The following VASH2 variants were observed in gnomAD, a reference collection of about 807,000 sequenced individuals.
VASH2 encodes the protein vasohibin 2, also known as tubulinyl-Tyr carboxypeptidase 2.
A neutral mutation model predicts 37.2 loss-of-function variants in VASH2; 28 were observed. The observed-to-expected ratio is 0.75, with a 90% CI of 0.56 to 1.03. VASH2 has a LOEUF of 1.03. VASH2 is among the 50% of genes least tolerant of loss of function. The probability of loss-of-function intolerance (pLI) is 0.00; values close to 1 mark genes in which losing one functional copy is unlikely to be tolerated. For synonymous variants in VASH2, 188 were observed against 174.7 expected (o/e 1.08, Z -0.60); for missense variants, 419 against 459.1 (o/e 0.91, Z 0.80).
chr1:212,984,929 A>C (rs1017796244), intron 7 of VASH2, among the ~76,000 whole-genome samples: 2 of 152,212 alleles, frequency 1.3e-5, no homozygotes, highest in African/African-American at 4.8e-5. Flanking sequence ...TCCATACTCC[A>C]CACAGTAACC....
At chr1:212,954,586 A>G (rs990128128) in intron 2 of VASH2, among the ~76,000 whole-genome samples, 1 of 151,912 alleles carries the variant, frequency 6.6e-6, no homozygotes, top group African/African-American at 2.4e-5. Context: ...ATGCCCAGCT[A>G]TTTTTTGTAT....
rs576317811 is a variant in VASH2, at chr1:212,986,943, G to C, written c.996-1569G>C. On this transcript the variant is annotated intron_variant, in intron 7 of 7. Coordinates refer to ENST00000517399, the MANE Select transcript of VASH2 (RefSeq NM_001301056.2). Reference sequence around the variant, plus strand: ...TAAGGTTACAAGTTATTTGAGTAGGGCCTAGTCAGGGATAGTTTCTTGACC... The same window carrying C: ...TAAGGTTACAAGTTATTTGAGTAGGCCCTAGTCAGGGATAGTTTCTTGACC... Among the ~76,000 whole-genome samples the C allele has an allele frequency of 2.0e-5, 3 of 152,334 alleles. No individual in the cohort carries two copies. In the South Asian group the frequency reaches 6.2e-4, roughly 32 times the overall value.
chr1:212,951,608 C>G lies in VASH2; in HGVS notation c.66C>G (p.Ser22=), dbSNP rs1207680990. 2 of 1,556,872 alleles carry G rather than the reference C, an allele frequency of 1.3e-6. No homozygotes were observed. The highest frequency in any genetic ancestry group is 2.4e-5 in the South Asian group (2 of 84,520). The part of the protein sequence containing the change: ...PHPKGAKGTR[S]RSSHARPVSL... ...CCAAAGGCGCCAAAGGCACCCGGTC[C>G]CGGAGCAGCCACGCGCGGCCCGTGA... The change falls in exon 2 of 8, where the codon TCC becomes TCG. Residue 22 remains serine, a synonymous_variant. Coordinates refer to ENST00000517399, the MANE Select transcript of VASH2 (RefSeq NM_001301056.2). This position sits in a 1 kb window ranked among gnomAD's most constrained non-coding sequence, Gnocchi z 4.4.
At chr1:212,983,900 C>T (rs1177580290) in intron 7 of VASH2, among the ~76,000 whole-genome samples, 1 of 152,118 alleles carries the variant, frequency 6.6e-6, no homozygotes, top group Non-Finnish European at 1.5e-5. Context: ...TTCTGGGGAC[C>T]AACTCTGGCT....
Position 212,966,286 on chromosome 1 carries a change from A to C in VASH2, c.438A>C (p.Ala146=), listed in dbSNP as rs1489994175. ...TATCCTACAGGTTAATGGAAACAGC[A>C]AAAGAAATGACCCGAGAGTCCTTGC... ...MRPLSGLMET[A]KEMTRESLPI... Residue 146 remains alanine, a synonymous_variant, in exon 5 of 8, where the codon GCA becomes GCC. Transcript: ENST00000517399. 6.4e-7 allele frequency: 1 copy of C among 1,551,718 alleles called. No individual in the cohort carries two copies. Among genetic ancestry groups the C allele is most frequent in the Admixed American group, 2.0e-5 (1 of 51,014 alleles).
At chr1:212,981,166 A>T (rs1355140989) in intron 7 of VASH2, among the ~76,000 whole-genome samples, 1 of 152,224 alleles carries the variant, frequency 6.6e-6, no homozygotes, top group Non-Finnish European at 1.5e-5. Context: ...CAGTTGGCCT[A>T]TGGCCAGAGT....
At chr1:212,953,380 T>C (rs1260955594) in intron 2 of VASH2, among the ~76,000 whole-genome samples, 1 of 152,194 alleles carries the variant, frequency 6.6e-6, no homozygotes, top group Non-Finnish European at 1.5e-5. Flanking sequence ...ATCTTAGGCC[T>C]GGCCAGAGTC....
chr1:212,982,695 C>T (rs377187246), intron 7 of VASH2, among the ~76,000 whole-genome samples: 15 of 152,210 alleles, frequency 9.9e-5, no homozygotes, highest in East Asian at 3.8e-4. Flanking sequence ...ATTGCAGCCA[C>T]GGTTGCTGTA....
At chr1:212,974,098 C>G in intron 7 of VASH2, 28 bp downstream of exon 7, 1 of 1,589,714 alleles carries the variant, frequency 6.3e-7, no homozygotes, top group Non-Finnish European at 8.6e-7. Context: ...TTCCCCAACT[C>G]AAAGCCCAAC....
At chr1:212,961,388 T>A in intron 3 of VASH2, 134 bp downstream of exon 3, 1 of 1,532,910 alleles carries the variant, frequency 6.5e-7, no homozygotes, top group Non-Finnish European at 8.7e-7. Flanking sequence ...TGGAGGGATG[T>A]CCCGGGTGGG....
intron 3 of VASH2, among the ~76,000 whole-genome samples, chr1:212,964,672 T>C (rs994055720): frequency 2.6e-5 from 4 of 152,110 alleles, no homozygotes; most frequent in African/African-American, 9.7e-5. Flanking sequence ...AGTGCCAGCA[T>C]AGGCATGAAA....
At chr1:212,974,895 G>T (rs1667123997) in intron 7 of VASH2, 1 of 152,164 alleles carries the variant, frequency 6.6e-6, no homozygotes, top group Non-Finnish European at 1.5e-5. Flanking sequence ...GGGGAGCCTT[G>T]GTTTCTTCAT....
chr1:212,982,010 G>C (rs1667353413), intron 7 of VASH2, among the ~76,000 whole-genome samples: 1 of 152,204 alleles, frequency 6.6e-6, no homozygotes, highest in South Asian at 2.1e-4. Context: ...TCAAAGTTGA[G>C]ATAGCAGTGG....
chr1:212,969,055 GCT>G lies in VASH2; in HGVS notation c.497+2712_497+2713del, dbSNP rs1666928650. The G allele has an allele frequency of 3.0e-6, 3 of 985,338 alleles. No individual in the cohort carries two copies. The African/African-American group carries it at 5.2e-5, about 17-fold the overall frequency. 61.0% of individuals were successfully genotyped at this position (985,338 alleles called of 1,614,324 possible). A position where few individuals can be genotyped will look rare whatever the true frequency, so the allele number is the denominator to read the frequency against. The stretch of plus-strand genomic sequence containing the variant: ...AGCCTGTCCAAATCAGAGACAGTGT[GCT>G]CGTGGTTTTCCTTTGTTCTTATCCT... On this transcript the variant is annotated intron_variant, in intron 5 of 7. Coordinates refer to ENST00000517399, the MANE Select transcript of VASH2 (RefSeq NM_001301056.2).
chr1:212,974,819 G>T (rs757531198), intron 7 of VASH2: 1 of 152,242 alleles, frequency 6.6e-6, no homozygotes, highest in Non-Finnish European at 1.5e-5. Context: ...ACAGTGCACA[G>T]GGGGCTTGGT....
At chr1:212,978,152 C>T (rs1572077854) in intron 7 of VASH2, among the ~76,000 whole-genome samples, 1 of 152,146 alleles carries the variant, frequency 6.6e-6, no homozygotes, top group African/African-American at 2.4e-5. Context: ...GGGAGGGGCC[C>T]AACTGGTCAC....
At position 212,966,357 on chromosome 1, in the gene VASH2, G is replaced by A; in HGVS notation, c.497+12G>A. The A allele has an allele frequency of 1.3e-6, 2 of 1,550,606 alleles. No homozygotes were observed. The highest frequency in any genetic ancestry group is 1.7e-6 in the Non-Finnish European group (2 of 1,145,974). ...GTCATCCTGGGCATGTATCCTTTAA[G>A]TTATGTATGCTTAGTTTACTCCATA... On this transcript the variant is annotated intron_variant, in intron 5 of 7. Transcript: ENST00000517399.
rs570539710 is a variant in VASH2, at chr1:212,970,260, C to T, written c.498-2320C>T. ...ACCTCGCCACCTCCCTCTCCATTCC[C>T]AGTTGCTCCAGGTCCCAAGGCTTTA... On this transcript the variant is annotated intron_variant, in intron 5 of 7. Transcript: ENST00000517399. 4.6e-5 allele frequency among the ~76,000 whole-genome samples: 7 copies of T among 152,320 alleles called. No individual in the cohort carries two copies. In the South Asian group the frequency reaches 1.4e-3, roughly 32 times the overall value.
intron 2 of VASH2, among the ~76,000 whole-genome samples, chr1:212,953,216 T>G (rs1372056582): frequency 1.5e-5 from 2 of 131,180 alleles, no homozygotes; most frequent in Non-Finnish European, 3.5e-5. Flanking sequence ...CCTCCAACCA[T>G]GTATGCGGGT....
Sources: gnomAD v4.1 joint callset for allele counts (sites outside exome capture counted in the v4.1 genomes callset) on GRCh38, gnomAD v4.1.1 for gene constraint, Gnocchi (gnomAD v3.1) non-coding constraint, MANE v1.5 for transcripts, NCBI Gene and HGNC (gene_info 2026-07-23, HGNC 2026-07-21) for gene names.